The following WDR49 variants were observed in gnomAD, a reference collection of about 807,000 sequenced individuals.
WDR49 encodes cilia- and flagella-associated protein 337.
In WDR49, 107 loss-of-function variants were observed where a neutral mutation model predicts 119.5. The ratio of observed to expected loss-of-function variants is 0.90; its 90% CI spans 0.77 to 1.05. WDR49 has a LOEUF of 1.05. WDR49 is among the 50% of genes least tolerant of loss of function. The probability of loss-of-function intolerance (pLI) is 0.00; values close to 1 mark genes in which losing one functional copy is unlikely to be tolerated. For synonymous variants in WDR49, 425 were observed against 418.8 expected (o/e 1.01, Z -0.18); for missense variants, 1,240 against 1,220.5 (o/e 1.02, Z -0.24).
intron 16 of WDR49, among the ~76,000 whole-genome samples, chr3:167,521,999 TAG>T (rs1560266145): frequency 5.9e-4 from 87 of 146,938 alleles, no homozygotes; most frequent in Admixed American, 7.9e-4. Flanking sequence ...GATAGATAGA[TAG>T]ATAGATAGAT....
At chr3:167,510,876 A>G (rs1054895503) in intron 16 of WDR49, among the ~76,000 whole-genome samples, 2 of 134,040 alleles carry the variant, frequency 1.5e-5, no homozygotes, top group African/African-American at 5.6e-5. Flanking sequence ...CCCCACCTGC[A>G]TATATACACC....
intron 7 of WDR49, among the ~76,000 whole-genome samples, chr3:167,599,908 T>C (rs1715674816): frequency 1.3e-5 from 2 of 152,170 alleles, no homozygotes; most frequent in South Asian, 2.1e-4. Context: ...TATCTGGCTA[T>C]CCCTGCTGGT....
chr3:167,628,579 G>A (rs1305607887), intron 2 of WDR49, among the ~76,000 whole-genome samples: 1 of 152,068 alleles, frequency 6.6e-6, no homozygotes. Context: ...GCAGAGAGAG[G>A]TAAGGAACTT....
chr3:167,523,279 C>A (rs916613039), intron 15 of WDR49, among the ~76,000 whole-genome samples: 6 of 151,902 alleles, frequency 3.9e-5, no homozygotes, highest in Non-Finnish European at 7.4e-5. Flanking sequence ...ATAAAACTCA[C>A]CCTCAGTTTT....
At chr3:167,637,284 T>G (rs1450567766) in intron 2 of WDR49, among the ~76,000 whole-genome samples, 1 of 151,956 alleles carries the variant, frequency 6.6e-6, no homozygotes, top group East Asian at 1.9e-4. Context: ...GTTTGCTTAA[T>G]TGAAGATCAG....
At chr3:167,535,479 A>G (rs1157356262) in intron 11 of WDR49, among the ~76,000 whole-genome samples, 2 of 152,214 alleles carry the variant, frequency 1.3e-5, no homozygotes, top group Non-Finnish European at 2.9e-5. Context: ...GCCAACAGAC[A>G]TACGAAAAAA....
intron 5 of WDR49, among the ~76,000 whole-genome samples, chr3:167,619,899 T>C (rs1367219264): frequency 6.6e-6 from 1 of 151,972 alleles, no homozygotes; most frequent in Non-Finnish European, 1.5e-5. Context: ...ACTGATTTTA[T>C]AACATAGTCT....
At chr3:167,554,101 C>A (rs1390505348) in intron 10 of WDR49, among the ~76,000 whole-genome samples, 1 of 151,836 alleles carries the variant, frequency 6.6e-6, no homozygotes, top group Non-Finnish European at 1.5e-5. Flanking sequence ...TGCCACAGAA[C>A]TGTTTATGAT....
At chr3:167,506,765 A>G (rs1265884216) in intron 16 of WDR49, among the ~76,000 whole-genome samples, 1 of 152,174 alleles carries the variant, frequency 6.6e-6, no homozygotes, top group Non-Finnish European at 1.5e-5. Context: ...CTGTAACGTC[A>G]ACATTATATT....
intron 18 of WDR49, among the ~76,000 whole-genome samples, chr3:167,493,417 A>C (rs1051426178): frequency 1.3e-5 from 2 of 152,150 alleles, no homozygotes; most frequent in African/African-American, 4.8e-5. Context: ...TTCTGCAGTG[A>C]GTTCTGAGAA....
intron 5 of WDR49, among the ~76,000 whole-genome samples, chr3:167,611,529 G>A (rs1422491746): frequency 6.6e-6 from 1 of 151,908 alleles, no homozygotes; most frequent in East Asian, 1.9e-4. Context: ...CAAAGACATA[G>A]ACTGGCTGAA....
At chr3:167,567,093 C>A (rs1713650822) in intron 8 of WDR49, among the ~76,000 whole-genome samples, 2 of 152,138 alleles carry the variant, frequency 1.3e-5, no homozygotes, top group African/African-American at 4.8e-5. Context: ...GTACCAATCC[C>A]TCTTCCAATA....
chr3:167,575,810 T>A (rs1438354876), intron 8 of WDR49, 108 bp downstream of exon 8: 1 of 1,063,226 alleles, frequency 9.4e-7, no homozygotes, highest in African/African-American at 1.6e-5. Flanking sequence ...CTTCCCATAT[T>A]TGCCTTTACT....
At chr3:167,486,248 A>G (rs1442658419) in intron 18 of WDR49, among the ~76,000 whole-genome samples, 3 of 152,130 alleles carry the variant, frequency 2.0e-5, no homozygotes, top group African/African-American at 7.2e-5. Context: ...GAGTCTCTTA[A>G]AGGCATCCTA....
At chr3:167,634,450 A>C (rs991148181) in intron 2 of WDR49, among the ~76,000 whole-genome samples, 4 of 151,956 alleles carry the variant, frequency 2.6e-5, no homozygotes, top group African/African-American at 7.2e-5. Flanking sequence ...GCACAACTTT[A>C]GACCTTTTGA....
At chr3:167,594,027 A>T (rs1032412002) in intron 7 of WDR49, among the ~76,000 whole-genome samples, 104 of 152,134 alleles carry the variant, frequency 6.8e-4, no homozygotes, top group African/African-American at 2.4e-3. Flanking sequence ...ATGAGCAACT[A>T]TGAGCCAATG....
intron 8 of WDR49, among the ~76,000 whole-genome samples, chr3:167,561,504 T>C (rs138031636): frequency 1.6e-3 from 244 of 152,254 alleles, no homozygotes; most frequent in South Asian, 3.5e-3. Flanking sequence ...AAGAAACAGA[T>C]AAATGCTAAA....
At chr3:167,496,851 G>A (rs1297929028) in intron 18 of WDR49, among the ~76,000 whole-genome samples, 1 of 152,076 alleles carries the variant, frequency 6.6e-6, no homozygotes, top group African/African-American at 2.4e-5. Flanking sequence ...AACTTTATTT[G>A]TAAATGGTGC....
Position 167,537,012 on chromosome 3 carries a change from G to C in WDR49, c.1824-12C>G, listed in dbSNP as rs756990882. On this transcript the variant is annotated splice_polypyrimidine_tract_variant and intron_variant, in intron 10 of 18. Coordinates refer to ENST00000682715, the MANE Select transcript of WDR49 (RefSeq NM_001366157.1). ...ACACAGTAATAGCCCTAGCAAAAAG[G>C]ATATAGAATTTAGCTGTGGATCTAA... 10 of 1,564,468 alleles carry C rather than the reference G, an allele frequency of 6.4e-6. No individual in the cohort carries two copies. Among genetic ancestry groups the C allele is most frequent in the Middle Eastern group, 1.7e-4 (1 of 5,886 alleles).
Sources: gnomAD v4.1 joint callset for allele counts (sites outside exome capture counted in the v4.1 genomes callset) on GRCh38, gnomAD v4.1.1 for gene constraint, MANE v1.5 for transcripts, NCBI Gene and HGNC (gene_info 2026-07-23, HGNC 2026-07-21) for gene names.